The following CLEC2A variants were observed in gnomAD, a reference collection of about 807,000 sequenced individuals.
CLEC2A encodes the protein C-type lectin domain family 2 member A, also known as keratinocyte-associated C-type lectin.
Under a neutral mutation model 18.6 loss-of-function variants are expected in CLEC2A, and 19 were observed. That is an observed-to-expected ratio of 1.02 (90% CI 0.71 to 1.50). The LOEUF is 1.50. Among genes scored for constraint, CLEC2A ranks in the 40% most tolerant of loss-of-function variants. The pLI, the probability that CLEC2A is intolerant of heterozygous loss-of-function variation, is 0.00. For synonymous variants in CLEC2A, 74 were observed against 64.0 expected (o/e 1.16, Z -0.75); for missense variants, 190 against 207.9 (o/e 0.91, Z 0.53).
downstream of CLEC2A, among the ~76,000 whole-genome samples, chr12:9,898,218 GAT>G (rs1434051061): frequency 2.0e-5 from 3 of 152,112 alleles, no homozygotes; most frequent in Non-Finnish European, 4.4e-5. Flanking sequence ...TCATAGAACT[GAT>G]ATTCATGACT....
chr12:9,927,836 T>C (rs1026957188), intron 1 of CLEC2A, among the ~76,000 whole-genome samples: 2 of 152,080 alleles, frequency 1.3e-5, no homozygotes, highest in African/African-American at 4.8e-5. Context: ...AAAATGTGTT[T>C]TTTTTTTCAA....
chr12:9,904,338 C>T (rs115145522), intron 4 of CLEC2A, among the ~76,000 whole-genome samples: 2,542 of 152,226 alleles, frequency 0.017, 97 homozygotes, highest in African/African-American at 0.057. Flanking sequence ...GAGGACCATA[C>T]GAGTGGAAAC....
chr12:9,914,911 G>A (rs1441228268), intron 4 of CLEC2A, among the ~76,000 whole-genome samples: 1 of 152,016 alleles, frequency 6.6e-6, no homozygotes, highest in Non-Finnish European at 1.5e-5. Context: ...TATCATCAGA[G>A]TAAACAAGCA....
At chr12:9,923,778 G>A (rs1863215544) in intron 2 of CLEC2A, among the ~76,000 whole-genome samples, 1 of 152,118 alleles carries the variant, frequency 6.6e-6, no homozygotes, top group Admixed American at 6.5e-5. Context: ...GTCCTTTGTA[G>A]GGACATGGAT....
chr12:9,926,259 C>T lies in CLEC2A; in HGVS notation c.139+1G>A. On this transcript the variant is annotated splice_donor_variant, in intron 2 of 4. Transcript: ENST00000455827. LOFTEE classifies it high-confidence loss of function. ...GAAAGTGTATGAATTAAACCACTCA[C>T]CTATCATAATAATGCAAACTGTAGT... The T allele has an allele frequency of 4.6e-6, 7 of 1,516,870 alleles. No homozygotes were observed. Among genetic ancestry groups the T allele is most frequent in the Non-Finnish European group, 6.3e-6 (7 of 1,115,654 alleles). 94.0% of individuals were successfully genotyped at this position (1,516,870 alleles called of 1,614,324 possible).
chr12:9,920,240 G>A (rs1863145829), intron 3 of CLEC2A, among the ~76,000 whole-genome samples: 1 of 152,182 alleles, frequency 6.6e-6, no homozygotes. Context: ...GTGTAAGGGG[G>A]TCTAACCTCC....
At chr12:9,908,648 A>G (rs569735291), downstream of CLEC2A, among the ~76,000 whole-genome samples, 3 of 152,308 alleles carry the variant, frequency 2.0e-5, no homozygotes, top group South Asian at 2.1e-4. Flanking sequence ...CTCAAAAGTC[A>G]TGAGTGGAAG....
chr12:9,906,876 T>C (rs1862915056), intron 4 of CLEC2A, among the ~76,000 whole-genome samples: 1 of 152,232 alleles, frequency 6.6e-6, no homozygotes, highest in South Asian at 2.1e-4. Context: ...GGATACCCTG[T>C]TAAGAAACCT....
chr12:9,922,980 T>TGTAA (rs1435833613), intron 2 of CLEC2A, among the ~76,000 whole-genome samples: 3 of 152,170 alleles, frequency 2.0e-5, no homozygotes, highest in South Asian at 2.1e-4. Context: ...CTACACAGGG[T>TGTAA]GTAAGATATA....
At chr12:9,925,350 A>G (rs1303117760) in intron 2 of CLEC2A, among the ~76,000 whole-genome samples, 1 of 152,222 alleles carries the variant, frequency 6.6e-6, no homozygotes, top group Non-Finnish European at 1.5e-5. Context: ...GATTAAAAAG[A>G]AATTAAAGGA....
chr12:9,881,941 T>C, the CLEC2A span, among the ~76,000 whole-genome samples: 4 of 152,000 alleles, frequency 2.6e-5, no homozygotes, highest in Admixed American at 2.0e-4. Context: ...GGCTGAAAAA[T>C]TGTGTTTTTA....
At chr12:9,910,248 TC>T, downstream of CLEC2A, among the ~76,000 whole-genome samples, 1 of 152,330 alleles carries the variant, frequency 6.6e-6, no homozygotes, top group Non-Finnish European at 1.5e-5. Context: ...TTTAGCATAA[TC>T]CCTAGGCAAC....
chr12:9,897,856 C>G (rs1296272678), downstream of CLEC2A, among the ~76,000 whole-genome samples: 1 of 152,184 alleles, frequency 6.6e-6, no homozygotes, highest in Non-Finnish European at 1.5e-5. Context: ...CCTACTGCAT[C>G]TATCATACAC....
intron 1 of CLEC2A, among the ~76,000 whole-genome samples, chr12:9,927,441 C>A (rs746524233): frequency 3.9e-5 from 6 of 151,916 alleles, no homozygotes; most frequent in African/African-American, 7.2e-5. Flanking sequence ...ATGTGTATAT[C>A]GTGCATATAT....
chr12:9,903,333 G>A (rs1278857921), intron 4 of CLEC2A, among the ~76,000 whole-genome samples: 1 of 152,058 alleles, frequency 6.6e-6, no homozygotes, highest in Non-Finnish European at 1.5e-5. Context: ...TAGGCCTCGG[G>A]CACAGAATAC....
downstream of CLEC2A, chr12:9,895,794 A>G: frequency 6.5e-7 from 1 of 1,535,560 alleles, no homozygotes; most frequent in Non-Finnish European, 8.7e-7. Flanking sequence ...TTTGCCAGAG[A>G]GATGCGATCT....
chr12:9,907,404 G>A (rs978642664), intron 4 of CLEC2A, among the ~76,000 whole-genome samples: 1 of 152,176 alleles, frequency 6.6e-6, no homozygotes, highest in Non-Finnish European at 1.5e-5. Context: ...TCCATAAGCA[G>A]CAATATCCAA....
intron 4 of CLEC2A, among the ~76,000 whole-genome samples, chr12:9,906,030 T>G (rs202092099): frequency 9.2e-5 from 14 of 151,462 alleles, no homozygotes; most frequent in African/African-American, 1.7e-4. Context: ...GTTTTGTTTT[T>G]TTTTTTTTTA....
chr12:9,895,158 G>C (rs537271652), downstream of CLEC2A, among the ~76,000 whole-genome samples: 1 of 152,134 alleles, frequency 6.6e-6, no homozygotes, highest in Non-Finnish European at 1.5e-5. Context: ...AATCTTGGGC[G>C]ACTGCCTCCC....
Sources: allele counts gnomAD v4.1 joint callset (sites outside exome capture counted in the v4.1 genomes callset), GRCh38; gene constraint gnomAD v4.1.1; transcripts MANE v1.5; gene names NCBI Gene and HGNC (gene_info 2026-07-23, HGNC 2026-07-21).